ADAMTSL5: variants seen among roughly 807,000 people sequenced by gnomAD.
ADAMTSL5 encodes the protein ADAMTS like 5.
A neutral mutation model predicts 51.7 loss-of-function variants in ADAMTSL5; 53 were observed. The observed-to-expected ratio is 1.03, with a 90% CI of 0.82 to 1.29. The LOEUF (loss-of-function observed/expected upper bound fraction) is 1.29, where lower values mean the gene tolerates loss of function less well. Ranked by LOEUF, ADAMTSL5 falls within the 50% of genes most tolerant of loss-of-function variation. The pLI is 0.00. For synonymous variants in ADAMTSL5, 285 were observed against 278.7 expected, an observed-to-expected ratio of 1.02 and a Z score of -0.23; for missense variants, 770 against 676.2, an observed-to-expected ratio of 1.14 and a Z score of -1.54.
intron 9 of ADAMTSL5, 35 bp downstream of exon 9, chr19:1,507,207 G>T (rs770488062): frequency 6.6e-7 from 1 of 1,510,236 alleles, no homozygotes; most frequent in Non-Finnish European, 8.8e-7. Context: ...GTCCCCAGCC[G>T]ACCCCCTCTG....
At chr19:1,507,668 T>G (rs1416233781) in intron 7 of ADAMTSL5, 25 bp from the exon 8 acceptor site, 1 of 1,606,078 alleles carries the variant, frequency 6.2e-7, no homozygotes, top group African/African-American at 1.3e-5. Context: ...AGGAGGGTGT[T>G]GGGGTGCCAG....
chr19:1,511,494 A>G, intron 1 of ADAMTSL5: 1 of 1,144,170 alleles, frequency 8.7e-7, no homozygotes, highest in Admixed American at 3.6e-5. Flanking sequence ...TGATATGTGT[A>G]TTGTGCTATA....
chr19:1,512,603 C>A (rs1268257220), intron 1 of ADAMTSL5, among the ~76,000 whole-genome samples: 4 of 152,134 alleles, frequency 2.6e-5, no homozygotes, highest in Non-Finnish European at 5.9e-5. Flanking sequence ...TCGCTTGAAC[C>A]CAGGAGGCGG....
chr19:1,508,581 G>A lies in ADAMTSL5; in HGVS notation c.362-11C>T, dbSNP rs1382911705. 2 of 1,528,910 alleles carry A rather than the reference G, an allele frequency of 1.3e-6. No individual in the cohort carries two copies. The highest frequency in any genetic ancestry group is 2.5e-5 in the East Asian group (1 of 40,784). The allele number at this position is 1,528,910 out of a possible 1,614,324, so 94.7% of individuals were successfully genotyped here. On this transcript the variant is annotated splice_polypyrimidine_tract_variant and intron_variant, in intron 5 of 11. Coordinates refer to ENST00000330475, the MANE Select transcript of ADAMTSL5 (RefSeq NM_213604.3). ...CGCACTGGTTGGGCGCTGAGGGCAG[G>A]AGGAGTCGGTGGGCCGGGGACCCCT... is the stretch of plus-strand genomic sequence containing the variant.
Position 1,507,247 on chromosome 19 carries a change from G to T in ADAMTSL5, c.847C>A (p.Leu283Ile). The T allele has an allele frequency of 6.5e-7, 1 of 1,532,644 alleles. No individual in the cohort carries two copies. Among genetic ancestry groups the T allele is most frequent in the Non-Finnish European group, 8.8e-7 (1 of 1,141,576 alleles). The allele number at this position is 1,532,644 out of a possible 1,614,324, so 94.9% of individuals were successfully genotyped here. The change falls in exon 9 of 12, where the codon CTA becomes ATA. Residue 283 changes from leucine (L) to isoleucine (I), a missense_variant. Coordinates refer to ENST00000330475, the MANE Select transcript of ADAMTSL5 (RefSeq NM_213604.3). Reference protein sequence around the residue: ...AAGPTSHDLLLQVLLQEPNPG... With the variant: ...AAGPTSHDLLIQVLLQEPNPG... The stretch of plus-strand genomic sequence containing the variant: ...TGTTGGAGGCCCAGTGGCACCTGTA[G>T]GAGCAGGTCATGGGAGGTGGGCCCG...
rs144648219 is a variant in ADAMTSL5, at chr19:1,506,256, C to T, written c.1175G>A (p.Arg392His). ...HQAQETRYEV[R>H]IQLVYKNRSP... The stretch of plus-strand genomic sequence containing the variant: ...GCGGTTCTTGTAGACGAGCTGGATG[C>T]GCACCTCATAGCGGGTCTCCTGGGC... Residue 392 changes from arginine to histidine, a missense_variant, in exon 12 of 12, where the codon CGC becomes CAC. Coordinates refer to ENST00000330475, the MANE Select transcript of ADAMTSL5 (RefSeq NM_213604.3). This position sits in a 1 kb window ranked among gnomAD's most constrained non-coding sequence, Gnocchi z 5.6. 1.8e-5 allele frequency: 28 copies of T among 1,576,700 alleles called. No individual in the cohort carries two copies. The highest frequency in any genetic ancestry group is 1.3e-4 in the African/African-American group (10 of 74,342).
rs1913209355 is a variant in ADAMTSL5, at chr19:1,510,583, G to T, written c.191+56C>A. The T allele has an allele frequency of 6.1e-6, 9 of 1,476,082 alleles. No individual in the cohort carries two copies. The South Asian group carries it at 1.1e-4, about 18-fold the overall frequency. 91.4% of individuals were successfully genotyped at this position (1,476,082 alleles called of 1,614,324 possible). On this transcript the variant is annotated intron_variant, in intron 3 of 11. Coordinates refer to ENST00000330475, the MANE Select transcript of ADAMTSL5 (RefSeq NM_213604.3). Reference sequence around the variant, plus strand: ...GGGCAGGCCGAGGGTGCGGCCAGGGGCCGGGCTGGGCCGGCGGGGGAGGAG... The same window carrying T: ...GGGCAGGCCGAGGGTGCGGCCAGGGTCCGGGCTGGGCCGGCGGGGGAGGAG...
chr19:1,510,804 C>T lies in ADAMTSL5; in HGVS notation c.99+41G>A, dbSNP rs376818450. ...GACCCCACACTGCTGACTGGGTCCC[C>T]ATTCCCACTCGCCACCCCCTGGGCT... On this transcript the variant is annotated intron_variant, in intron 2 of 11. Transcript: ENST00000330475. 32 of 1,514,104 alleles carry T rather than the reference C, an allele frequency of 2.1e-5. No individual in the cohort carries two copies. In the African/African-American group the frequency reaches 4.3e-4, roughly 20 times the overall value. 93.8% of individuals were successfully genotyped at this position (1,514,104 alleles called of 1,614,324 possible).
chr19:1,506,370 A>G lies in ADAMTSL5; in HGVS notation c.1115-54T>C. ...GCTGCTCAACTCTGCGCAAATCTCT[A>G]CGCCCCCTCCCTTGCCAGAAGAGGG... On this transcript the variant is annotated intron_variant, in intron 11 of 11. Transcript: ENST00000330475. This position sits in a 1 kb window ranked among gnomAD's most constrained non-coding sequence, Gnocchi z 5.6. 1.5e-5 allele frequency: 23 copies of G among 1,527,530 alleles called. No individual in the cohort carries two copies. Among genetic ancestry groups the G allele is most frequent in the Non-Finnish European group, 2.0e-5 (23 of 1,135,320 alleles). The allele number at this position is 1,527,530 out of a possible 1,614,324, so 94.6% of individuals were successfully genotyped here.
intron 1 of ADAMTSL5, among the ~76,000 whole-genome samples, chr19:1,512,623 T>A (rs1449863483): frequency 1.3e-5 from 2 of 152,048 alleles, no homozygotes; most frequent in Admixed American, 6.6e-5. Context: ...GAGGTTGCAG[T>A]GAGCCGAGAT....
chr19:1,506,549 G>C lies in ADAMTSL5; in HGVS notation c.1114+41C>G. On this transcript the variant is annotated intron_variant, in intron 11 of 11. Coordinates refer to ENST00000330475, the MANE Select transcript of ADAMTSL5 (RefSeq NM_213604.3). This position sits in a 1 kb window ranked among gnomAD's most constrained non-coding sequence, Gnocchi z 5.6. ...GGGTCAGAGGTCAGGAGGAGGCCAG[G>C]TTAGTAGGGGCTAAGTCAGGGTAGA... 1 of 1,594,140 alleles carries C rather than the reference G, an allele frequency of 6.3e-7. No individual in the cohort carries two copies. Among genetic ancestry groups the C allele is most frequent in the Non-Finnish European group, 8.6e-7 (1 of 1,169,314 alleles).
chr19:1,505,648 G>A lies in ADAMTSL5; in HGVS notation c.*367C>T, dbSNP rs1941368801. On this transcript the variant is annotated 3_prime_UTR_variant, in exon 12 of 12. Coordinates refer to ENST00000330475, the MANE Select transcript of ADAMTSL5 (RefSeq NM_213604.3). ...AACAGATGATCTTCTGGGTACCCAG[G>A]GCAGCAGGGTGTCATGCTCGTTCAT... 1 of 206,896 alleles carries A rather than the reference G, an allele frequency of 4.8e-6. No individual in the cohort carries two copies. Among genetic ancestry groups the A allele is most frequent in the African/African-American group, 2.3e-5 (1 of 42,792 alleles). 12.8% of individuals were successfully genotyped at this position (206,896 alleles called of 1,614,324 possible).
rs763578743 is a variant in ADAMTSL5, at chr19:1,506,308, C to A, written c.1123G>T (p.Ala375Ser). Residue 375 changes from alanine to serine, a missense_variant, in exon 12 of 12, where the codon GCC (alanine) becomes TCC (serine). Physicochemically the swap from Ala to Ser is moderately conservative, Grantham distance 99. Coordinates refer to ENST00000330475, the MANE Select transcript of ADAMTSL5 (RefSeq NM_213604.3). This position sits in a 1 kb window ranked among gnomAD's most constrained non-coding sequence, Gnocchi z 5.6. ...TGGTGGTGGTGGCCCAGCACTCGGG[C>A]CTGGAACACTGTTGAGGGGACGTGC... ...HYCGSDFVFQARVLGHHHQAQ... is the reference protein window; with the variant it reads ...HYCGSDFVFQSRVLGHHHQAQ... 2.6e-6 allele frequency: 4 copies of A among 1,547,042 alleles called. No homozygotes were observed. The Admixed American group carries it at 7.5e-5, about 29-fold the overall frequency.
chr19:1,507,484 T>A (rs791460), intron 8 of ADAMTSL5, 73 bp downstream of exon 8: 2 of 1,610,838 alleles, frequency 1.2e-6, no homozygotes, highest in Non-Finnish European at 1.7e-6. Context: ...GGCCTCAGTC[T>A]CCCCATCTGT....
chr19:1,510,451 G>A lies in ADAMTSL5; in HGVS notation c.192-23C>T, dbSNP rs765557911. ...AGCCTGAAGGGAGACAGAGTGTGGC[G>A]AGAACCCCCAGGGACCCCCTCCCAG... On this transcript the variant is annotated intron_variant, in intron 3 of 11. Transcript: ENST00000330475. 3.4e-5 allele frequency: 55 copies of A among 1,596,158 alleles called. No individual in the cohort carries two copies. In the Middle Eastern group the frequency reaches 6.7e-4, roughly 19 times the overall value.
chr19:1,508,265 C>A, intron 6 of ADAMTSL5, 156 bp from the exon 7 acceptor site: 10 of 1,098,724 alleles, frequency 9.1e-6, no homozygotes, highest in Non-Finnish European at 1.1e-5. Flanking sequence ...ATGGGCTTGG[C>A]GCCCGGGAGT....
Position 1,506,348 on chromosome 19 carries a change from G to C in ADAMTSL5, c.1115-32C>G. The C allele has an allele frequency of 6.5e-7, 1 of 1,538,566 alleles. No homozygotes were observed. The highest frequency in any genetic ancestry group is 8.8e-7 in the Non-Finnish European group (1 of 1,141,828). On this transcript the variant is annotated intron_variant, in intron 11 of 11. Coordinates refer to ENST00000330475, the MANE Select transcript of ADAMTSL5 (RefSeq NM_213604.3). The surrounding 1 kb of genome is among the most constrained non-coding windows in gnomAD (Gnocchi z 5.6). Reference sequence around the variant, plus strand: ...AGGGGACGTGCTAAGCTGGCTGGCTGCTCAACTCTGCGCAAATCTCTACGC... The same window carrying C: ...AGGGGACGTGCTAAGCTGGCTGGCTCCTCAACTCTGCGCAAATCTCTACGC...
chr19:1,510,384 C>CGGTACTCATGGGAGTCTCCCCA lies in ADAMTSL5; in HGVS notation c.214_235dup (p.Arg79LeufsTer6), dbSNP rs1568244577. 2 of 1,613,390 alleles carry CGGTACTCATGGGAGTCTCCCCA rather than the reference C, an allele frequency of 1.2e-6. No individual in the cohort carries two copies. Among genetic ancestry groups the CGGTACTCATGGGAGTCTCCCCA allele is most frequent in the South Asian group, 2.2e-5 (2 of 91,042 alleles). On this transcript the variant is annotated stop_gained and frameshift_variant, in exon 4 of 12. Coordinates refer to ENST00000330475, the MANE Select transcript of ADAMTSL5 (RefSeq NM_213604.3). LOFTEE classifies it high-confidence loss of function. ...AGGGCTTACTGGCAACTGGCAGAGG[C>CGGTACTCATGGGAGTCTCCCCA]GGTACTCATGGGAGTCTCCCCAGCA... is the stretch of plus-strand genomic sequence containing the variant.
intron 1 of ADAMTSL5, 119 bp from the exon 2 acceptor site, chr19:1,511,279 TCTC>T (rs574522281): frequency 9.5e-4 from 166 of 174,952 alleles, no homozygotes; most frequent in African/African-American, 3.9e-3. Flanking sequence ...TTCAAGTAAT[TCTC>T]CTGCCTCAGC....
Sources: allele counts gnomAD v4.1 joint callset (sites outside exome capture counted in the v4.1 genomes callset), GRCh38; gene constraint gnomAD v4.1.1; non-coding constraint Gnocchi (gnomAD v3.1); transcripts MANE v1.5; gene names NCBI Gene and HGNC (gene_info 2026-07-23, HGNC 2026-07-21).